DAGLA: variants seen among roughly 807,000 people sequenced by gnomAD.
DAGLA encodes the protein diacylglycerol lipase-alpha.
Under a neutral mutation model 102.6 loss-of-function variants are expected in DAGLA, and 22 were observed. The observed-to-expected ratio is 0.21, with a 90% confidence interval of 0.15 to 0.31. The LOEUF (loss-of-function observed/expected upper bound fraction) is 0.31. DAGLA is among the 10% of genes least tolerant of loss of function. DAGLA has a pLI of 1.00. For missense variants in DAGLA, 927 were observed against 1,446.6 expected (o/e 0.64, Z 5.83); for synonymous variants, 578 against 628.9 (o/e 0.92, Z 1.21).
rs1261734023 is a variant in DAGLA, at chr11:61,739,542, C to T, written c.1734C>T (p.Ala578=). Residue 578 remains alanine (A), a synonymous_variant, in exon 17 of 20, where the codon GCC becomes GCT. Transcript: ENST00000257215. ...LPEEVEVTTL[A]STRLWTHPSD... is the part of the protein sequence containing the mutation. ...AGGAGGTAGAGGTGACCACCCTGGC[C>T]AGCACGCGGCTCTGGACCCACCCCA... The T allele has an allele frequency of 2.5e-6, 4 of 1,614,150 alleles. No individual in the cohort carries two copies. Among genetic ancestry groups the T allele is most frequent in the Non-Finnish European group, 3.4e-6 (4 of 1,180,036 alleles).
intron 1 of DAGLA, among the ~76,000 whole-genome samples, chr11:61,705,138 G>A (rs1431764810): frequency 2.6e-5 from 4 of 152,174 alleles, no homozygotes; most frequent in Non-Finnish European, 4.4e-5. Context: ...CCAGGCCTCC[G>A]TTCTCAAGGC....
rs1361140243 is a variant in DAGLA at position 61,741,367 on chromosome 11, C to A, written c.2171+18C>A. 1 of 1,597,776 alleles carries A rather than the reference C, an allele frequency of 6.3e-7. No homozygotes were observed. The highest frequency in any genetic ancestry group is 1.7e-5 in the Admixed American group (1 of 59,584). On this transcript the variant is annotated intron_variant, in intron 19 of 19. Transcript: ENST00000257215. Reference sequence around the variant, plus strand: ...AGCGTCAGGTGAGCCTTGGCCACTCCCAGCCCCACCCCAGGGTGAGTGTGG... The same window carrying A: ...AGCGTCAGGTGAGCCTTGGCCACTCACAGCCCCACCCCAGGGTGAGTGTGG...
chr11:61,728,333 C>A, intron 7 of DAGLA, 46 bp downstream of exon 7: 1 of 1,596,610 alleles, frequency 6.3e-7, no homozygotes, highest in South Asian at 1.1e-5. Context: ...CCACACCACC[C>A]TTCTTTCAGG....
At chr11:61,711,237 T>G (rs892325426) in intron 1 of DAGLA, among the ~76,000 whole-genome samples, 1 of 152,048 alleles carries the variant, frequency 6.6e-6, no homozygotes, top group Non-Finnish European at 1.5e-5. Flanking sequence ...TGTCGGCCTT[T>G]GCGTGAGGGC....
intron 1 of DAGLA, among the ~76,000 whole-genome samples, chr11:61,698,243 A>G (rs2065081657): frequency 6.6e-6 from 1 of 152,222 alleles, no homozygotes. Flanking sequence ...GGTCCCTGAC[A>G]TCTCTCCTGT....
Position 61,734,130 on chromosome 11 carries a change from T to C in DAGLA, c.975-719T>C, listed in dbSNP as rs1158343717. ...GTAGGGGCAAGTGCAAGGAGGCCAG[T>C]CGAGGCCACCATGACAGTCCCAGGC... On this transcript the variant is annotated intron_variant, in intron 9 of 19. Transcript: ENST00000257215. The surrounding 1 kb of genome is among the most constrained non-coding windows in gnomAD (Gnocchi z 4.2). 6.6e-6 allele frequency among the ~76,000 whole-genome samples: 1 copy of C among 151,946 alleles called. No homozygotes were observed. The highest frequency in any genetic ancestry group is 1.5e-5 in the Non-Finnish European group (1 of 67,988).
intron 1 of DAGLA, among the ~76,000 whole-genome samples, chr11:61,717,737 A>G (rs980032035): frequency 1.3e-5 from 2 of 152,150 alleles, no homozygotes; most frequent in African/African-American, 4.8e-5. Flanking sequence ...CTGGGTACCC[A>G]GCAGGGTCGG....
chr11:61,725,815 C>A (rs561782095), intron 5 of DAGLA, among the ~76,000 whole-genome samples, 180 bp from the exon 6 acceptor site: 4 of 152,346 alleles, frequency 2.6e-5, no homozygotes, highest in African/African-American at 9.6e-5. Flanking sequence ...TGCTGGCCAG[C>A]AGCCAGGCCA....
At chr11:61,723,660 G>A (rs2065302874) in intron 5 of DAGLA, 88 bp downstream of exon 5, 4 of 1,538,382 alleles carry the variant, frequency 2.6e-6, no homozygotes, top group Non-Finnish European at 3.5e-6. Context: ...GCTACCCCAG[G>A]CCTCCCAGAC....
intron 1 of DAGLA, among the ~76,000 whole-genome samples, chr11:61,689,952 G>C (rs2135550149): frequency 6.6e-6 from 1 of 152,234 alleles, no homozygotes; most frequent in Non-Finnish European, 1.5e-5. Context: ...TAAGAGTTGG[G>C]GGATCATGAC....
intron 1 of DAGLA, among the ~76,000 whole-genome samples, chr11:61,714,744 GC>G (rs2065223254): frequency 6.6e-6 from 1 of 152,150 alleles, no homozygotes; most frequent in Admixed American, 6.5e-5. Flanking sequence ...CAGTTTCCTC[GC>G]CCATGAAAGG....
At chr11:61,695,051 C>T (rs2065053615) in intron 1 of DAGLA, among the ~76,000 whole-genome samples, 1 of 152,206 alleles carries the variant, frequency 6.6e-6, no homozygotes, top group Non-Finnish European at 1.5e-5. Context: ...TGTGTACTCG[C>T]AAGCGTGTTT....
intron 1 of DAGLA, among the ~76,000 whole-genome samples, chr11:61,716,705 G>A (rs1198183803): frequency 6.6e-6 from 1 of 152,216 alleles, no homozygotes; most frequent in Non-Finnish European, 1.5e-5. Flanking sequence ...ACTTTGTCCT[G>A]CAGGCCATGG....
intron 1 of DAGLA, among the ~76,000 whole-genome samples, chr11:61,707,016 C>T (rs1429313701): frequency 6.6e-6 from 1 of 152,260 alleles, no homozygotes; most frequent in Non-Finnish European, 1.5e-5. Flanking sequence ...CCTGGGCCAG[C>T]AGGGGTTAGC....
At chr11:61,717,947 C>T (rs1015967549) in intron 1 of DAGLA, among the ~76,000 whole-genome samples, 4 of 152,172 alleles carry the variant, frequency 2.6e-5, no homozygotes, top group South Asian at 2.1e-4. Flanking sequence ...AGAGCTGAAG[C>T]GAGCGGGCAT....
intron 1 of DAGLA, among the ~76,000 whole-genome samples, chr11:61,692,527 G>GCGAC (rs2065032012): frequency 6.6e-6 from 1 of 152,116 alleles, no homozygotes; most frequent in Non-Finnish European, 1.5e-5. Flanking sequence ...AGAGTTACTG[G>GCGAC]CGACCACTCA....
intron 1 of DAGLA, among the ~76,000 whole-genome samples, chr11:61,683,013 C>G (rs992848372): frequency 6.6e-6 from 1 of 152,202 alleles, no homozygotes; most frequent in Admixed American, 6.5e-5. Flanking sequence ...CTGCACAGTG[C>G]TTTGCTCTCT....
rs541627880 is a variant in DAGLA, at chr11:61,715,318, T to C, written c.-44-4794T>C. Among the ~76,000 whole-genome samples, 386 of 152,302 alleles carry C rather than the reference T, an allele frequency of 2.5e-3. 5 individuals carry two copies. Among genetic ancestry groups the C allele is most frequent in the African/African-American group, 8.2e-3 (342 of 41,562 alleles). On this transcript the variant is annotated intron_variant, in intron 1 of 19. Transcript: ENST00000257215. ...GTCATCCCCTCCTTCAGGCACAACC[T>C]CTATCCCATCCCCAGGCCAATGACC...
At chr11:61,731,573 C>A in intron 9 of DAGLA, 132 bp downstream of exon 9, 1 of 1,239,546 alleles carries the variant, frequency 8.1e-7, no homozygotes, top group Non-Finnish European at 1.1e-6. Context: ...GGGCCTCAAC[C>A]TTTCTAGTTC....
Sources: gnomAD v4.1 joint callset for allele counts (sites outside exome capture counted in the v4.1 genomes callset) on GRCh38, gnomAD v4.1.1 for gene constraint, Gnocchi (gnomAD v3.1) non-coding constraint, MANE v1.5 for transcripts, NCBI Gene and HGNC (gene_info 2026-07-23, HGNC 2026-07-21) for gene names.